ATP2C2: variants seen among roughly 807,000 people sequenced by gnomAD.
ATP2C2 encodes ATPase secretory pathway Ca2+ transporting 2.
ATP2C2 carries 171 observed loss-of-function variants against 110.8 expected under a neutral mutation model. That is an observed-to-expected ratio of 1.54 (90% CI 1.36 to 1.75). The LOEUF (loss-of-function observed/expected upper bound fraction) is 1.75, where lower values mean the gene tolerates loss of function less well. Among genes scored for constraint, ATP2C2 ranks in the 40% most tolerant of loss-of-function variants. ATP2C2 has a pLI of 0.00. For missense variants in ATP2C2, 1,963 were observed against 1,235.0 expected (o/e 1.59, Z -8.84); for synonymous variants, 804 against 508.4 (o/e 1.58, Z -7.82).
chr16:84,415,355 C>T lies in ATP2C2; in HGVS notation c.516-128C>T, dbSNP rs919039876. The T allele has an allele frequency of 7.8e-6, 6 of 771,778 alleles. No homozygotes were observed. The African/African-American group carries it at 1.0e-4, about 13-fold the overall frequency. The allele number at this position is 771,778 out of a possible 1,614,324, so 47.8% of individuals were successfully genotyped here. On this transcript the variant is annotated intron_variant, in intron 6 of 26. Coordinates refer to ENST00000262429, the MANE Select transcript of ATP2C2 (RefSeq NM_014861.4). ...TGTTAATTTCAAAATAATAACACCC[C>T]AAAGGCACAGGGTTGGTGTATATTA...
At chr16:84,398,645 T>C (rs1206953505) in intron 2 of ATP2C2, 36 bp downstream of exon 2, 1 of 1,521,528 alleles carries the variant, frequency 6.6e-7, no homozygotes, top group Non-Finnish European at 9.0e-7. Flanking sequence ...CTAATTGTGA[T>C]AAGGTTTTAT....
chr16:84,459,637 G>A (rs747864437), intron 23 of ATP2C2: 79 of 1,475,272 alleles, frequency 5.4e-5, no homozygotes, highest in African/African-American at 1.1e-4. Flanking sequence ...TGCTCTCTCT[G>A]GGCAACCTGC....
In ATP2C2 at chr16:84,462,044, C is replaced by T. The variant is rs376362270; in HGVS notation, c.2637C>T (p.Val879=). ...FLRNHMFLYS[V]LGSILGQLAV... ...GGAACCACATGTTCCTCTACTCCGT[C>T]CTGGGGTCCATCCTGGGGCAGCTGG... The change falls in exon 26 of 27, where the codon GTC becomes GTT. Residue 879 remains valine, a synonymous_variant. Coordinates refer to ENST00000262429, the MANE Select transcript of ATP2C2 (RefSeq NM_014861.4). 2.5e-4 allele frequency: 409 copies of T among 1,613,998 alleles called. No individual in the cohort carries two copies. Among genetic ancestry groups the T allele is most frequent in the Non-Finnish European group, 3.3e-4 (390 of 1,179,992 alleles).
intron 7 of ATP2C2, among the ~76,000 whole-genome samples, chr16:84,420,807 C>T (rs962275131): frequency 3.9e-5 from 6 of 151,948 alleles, no homozygotes; most frequent in East Asian, 1.9e-4. Flanking sequence ...TTGACAGTTT[C>T]GGTTTTGTTT....
intron 23 of ATP2C2, 78 bp from the exon 24 acceptor site, chr16:84,460,576 G>T (rs549823079): frequency 1.1e-4 from 183 of 1,599,262 alleles, no homozygotes; most frequent in Non-Finnish European, 1.5e-4. Context: ...GGCCTGGGAG[G>T]CTCAGGCACA....
rs374576439 is a variant in ATP2C2 at position 84,448,711 on chromosome 16, C to A, written c.1660+22C>A. ...CGGGGTCAGTGCCTGTGGTCCCGGC[C>A]CAGAGCTTTAAGCTTGCATGTAACA... On this transcript the variant is annotated intron_variant, in intron 17 of 26. Coordinates refer to ENST00000262429, the MANE Select transcript of ATP2C2 (RefSeq NM_014861.4). 3.9e-5 allele frequency: 63 copies of A among 1,598,978 alleles called. No individual in the cohort carries two copies. In the African/African-American group the frequency reaches 7.5e-4, roughly 19 times the overall value.
intron 7 of ATP2C2, among the ~76,000 whole-genome samples, chr16:84,420,730 G>A (rs1311037399): frequency 6.6e-6 from 1 of 152,036 alleles, no homozygotes. Flanking sequence ...GACATTTAGT[G>A]GTCATGTCTC....
At chr16:84,418,113 A>G (rs1227665823) in intron 7 of ATP2C2, among the ~76,000 whole-genome samples, 3 of 152,098 alleles carry the variant, frequency 2.0e-5, no homozygotes, top group African/African-American at 7.2e-5. Context: ...CTCCCCTACC[A>G]TGTCTAAAAG....
chr16:84,463,926 G>T lies in ATP2C2; in HGVS notation c.*194G>T. Reference sequence around the variant, plus strand: ...AGGCCCACATCCATCCAGCGTTCCCGCTGGCTGTGGGACAGACAGGGAGGG... The same window carrying T: ...AGGCCCACATCCATCCAGCGTTCCCTCTGGCTGTGGGACAGACAGGGAGGG... On this transcript the variant is annotated 3_prime_UTR_variant, in exon 27 of 27. Transcript: ENST00000262429. 1.7e-6 allele frequency: 1 copy of T among 573,474 alleles called. No homozygotes were observed. The highest frequency in any genetic ancestry group is 3.1e-6 in the Non-Finnish European group (1 of 321,720). The allele number at this position is 573,474 out of a possible 1,614,324, so 35.5% of individuals were successfully genotyped here. A position where few individuals can be genotyped will look rare whatever the true frequency, so the allele number is the denominator to read the frequency against.
intron 1 of ATP2C2, among the ~76,000 whole-genome samples, chr16:84,393,903 C>T (rs1351004961): frequency 1.1e-4 from 16 of 151,836 alleles, no homozygotes; most frequent in Admixed American, 9.8e-4. Context: ...CACCTGTAAT[C>T]TTAGCACTGT....
chr16:84,397,612 T>C (rs2151415779), intron 1 of ATP2C2, among the ~76,000 whole-genome samples: 1 of 130,820 alleles, frequency 7.6e-6, no homozygotes, highest in South Asian at 2.5e-4. Context: ...AGGTTGAGGC[T>C]GCAGTGAGCT....
At chr16:84,462,348 T>C in intron 26 of ATP2C2, 1 of 587,626 alleles carries the variant, frequency 1.7e-6, no homozygotes, top group Non-Finnish European at 2.9e-6. Context: ...GGCCTGTCAC[T>C]CAAGAGTAGT....
At chr16:84,432,560 G>A (rs892625227) in intron 11 of ATP2C2, among the ~76,000 whole-genome samples, 1 of 151,926 alleles carries the variant, frequency 6.6e-6, no homozygotes, top group Non-Finnish European at 1.5e-5. Flanking sequence ...GTCTTGCTCT[G>A]TCCAGGCTGG....
intron 20 of ATP2C2, among the ~76,000 whole-genome samples, chr16:84,454,381 C>T (rs1008518804): frequency 1.3e-5 from 2 of 152,182 alleles, no homozygotes; most frequent in South Asian, 4.1e-4. Context: ...AGTAGACGGG[C>T]TTTCTTCTTT....
intron 10 of ATP2C2, among the ~76,000 whole-genome samples, chr16:84,424,809 G>A (rs556772069): frequency 1.5e-4 from 23 of 152,134 alleles, no homozygotes; most frequent in African/African-American, 4.1e-4. Flanking sequence ...CATGGATTTC[G>A]GAAGAGATGT....
chr16:84,417,407 A>C (rs1222847068), intron 7 of ATP2C2, among the ~76,000 whole-genome samples: 1 of 152,248 alleles, frequency 6.6e-6, no homozygotes, highest in Non-Finnish European at 1.5e-5. Context: ...GTTATTGTGA[A>C]GATGAAACAA....
chr16:84,442,808 C>G (rs1165834629), intron 15 of ATP2C2, among the ~76,000 whole-genome samples: 3 of 152,184 alleles, frequency 2.0e-5, no homozygotes, highest in African/African-American at 7.2e-5. Context: ...CTGCAGGTCT[C>G]TAATCCCTCC....
chr16:84,458,803 G>A (rs1044692473), intron 21 of ATP2C2, among the ~76,000 whole-genome samples: 3 of 152,198 alleles, frequency 2.0e-5, no homozygotes, highest in Admixed American at 6.5e-5. Context: ...GGCGCACTTC[G>A]GGAGTCTGGG....
rs544299468 is a variant in ATP2C2, at chr16:84,434,781, G to A, written c.987-4385G>A. ...GTTCCATCCGTTTCTGCGTTTCAAA[G>A]TGCTGGGAATGCAGGTGTGAGCCAC... On this transcript the variant is annotated intron_variant, in intron 11 of 26. Coordinates refer to ENST00000262429, the MANE Select transcript of ATP2C2 (RefSeq NM_014861.4). Among the ~76,000 whole-genome samples, 38 of 152,214 alleles carry A rather than the reference G, an allele frequency of 2.5e-4. No individual in the cohort carries two copies. In the South Asian group the frequency reaches 6.9e-3, roughly 27 times the overall value.
Sources: gnomAD v4.1 joint callset for allele counts (sites outside exome capture counted in the v4.1 genomes callset) on GRCh38, gnomAD v4.1.1 for gene constraint, MANE v1.5 for transcripts, NCBI Gene and HGNC (gene_info 2026-07-23, HGNC 2026-07-21) for gene names.